BAAT: variants seen among roughly 807,000 people sequenced by gnomAD.
BAAT encodes the protein bile acid-CoA:amino acid N-acyltransferase.
Under a neutral mutation model 18.9 loss-of-function variants are expected in BAAT, and 13 were observed. The ratio of observed to expected loss-of-function variants is 0.69; its 90% CI spans 0.45 to 1.10. BAAT has a LOEUF of 1.10. BAAT is among the 50% of genes least tolerant of loss of function. The pLI, the probability that BAAT is intolerant of heterozygous loss-of-function variation, is 0.00. For missense variants in BAAT, 489 were observed against 504.0 expected (o/e 0.97, Z 0.28); for synonymous variants, 170 against 190.7 (o/e 0.89, Z 0.89).
At chr9:101,381,209 A>T (rs1485042394) in intron 1 of BAAT, among the ~76,000 whole-genome samples, 1 of 151,988 alleles carries the variant, frequency 6.6e-6, no homozygotes, top group East Asian at 1.9e-4. Context: ...GTTAAATACA[A>T]ACAGATCAAA....
intron 3 of BAAT, among the ~76,000 whole-genome samples, chr9:101,365,952 C>T (rs1424077086): frequency 6.6e-6 from 1 of 152,158 alleles, no homozygotes; most frequent in Non-Finnish European, 1.5e-5. Flanking sequence ...ATATCCATTA[C>T]CTCACAAACT....
At chr9:101,377,189 G>A (rs968559726) in intron 1 of BAAT, among the ~76,000 whole-genome samples, 1 of 152,140 alleles carries the variant, frequency 6.6e-6, no homozygotes, top group Non-Finnish European at 1.5e-5. Context: ...TTTACCTTTT[G>A]AGTCTTAATA....
At chr9:101,381,935 C>T (rs916119349) in intron 1 of BAAT, among the ~76,000 whole-genome samples, 1 of 152,196 alleles carries the variant, frequency 6.6e-6, no homozygotes, top group Non-Finnish European at 1.5e-5. Flanking sequence ...ATGGAATCTA[C>T]ATTTCCAACT....
rs1347449513 is a variant in BAAT at position 101,371,052 on chromosome 9, A to G, written c.353T>C (p.Val118Ala). The change falls in exon 2 of 4, where the codon GTT (valine) becomes GCT (alanine). Residue 118 changes from valine (V) to alanine (A), a missense_variant. Transcript: ENST00000259407. ...CAGGCTGGCCTTTGGAGCACTGGCA[A>G]CTTTATTGTTCACTATTAACTCTAA... ...YDLELIVNNK[V>A]ASAPKASLTL... 1.2e-6 allele frequency: 2 copies of G among 1,614,086 alleles called. No homozygotes were observed. The highest frequency in any genetic ancestry group is 1.7e-4 in the Middle Eastern group (1 of 6,058).
rs1454435251 is a variant in BAAT, at chr9:101,362,545, C to A, written c.1140G>T (p.Leu380Phe). 1 of 1,614,004 alleles carries A rather than the reference C, an allele frequency of 6.2e-7. No homozygotes were observed. Among genetic ancestry groups the A allele is most frequent in the Non-Finnish European group, 8.5e-7 (1 of 1,180,032 alleles). Residue 380 changes from leucine (L) to phenylalanine (F), a missense_variant, in exon 4 of 4, where the codon TTG becomes TTT. By Grantham distance (22) the Leu-to-Phe change is conservative (BLOSUM62 0). Coordinates refer to ENST00000259407, the MANE Select transcript of BAAT (RefSeq NM_001701.4). ...PLCCASTTHDLRLHWGGEVIP... is the reference protein window; with the variant it reads ...PLCCASTTHDFRLHWGGEVIP... The stretch of plus-strand genomic sequence containing the variant: ...TCACCTCTCCTCCCCAGTGTAACCT[C>A]AAATCGTGGGTCGTTGAGGCACAGC...
At chr9:101,383,077 G>A (rs955543109) in intron 1 of BAAT, among the ~76,000 whole-genome samples, 12 of 152,124 alleles carry the variant, frequency 7.9e-5, no homozygotes, top group African/African-American at 2.4e-4. Flanking sequence ...CAGAATAGGA[G>A]GGCTTATTCT....
intron 1 of BAAT, among the ~76,000 whole-genome samples, chr9:101,372,453 G>A (rs1829969581): frequency 6.6e-6 from 1 of 152,096 alleles, no homozygotes; most frequent in African/African-American, 2.4e-5. Context: ...GAAGCTGACA[G>A]GCCATTCAGG....
In BAAT at chr9:101,367,454, G is replaced by A. The variant is rs10989483; in HGVS notation, c.669+666C>T. ...TTGTCTAACATTTGTTCATCTTTGAGTGCTTAGTATTGCCAGGTTCTATGA... is the reference window on the plus strand; with the variant it reads ...TTGTCTAACATTTGTTCATCTTTGAATGCTTAGTATTGCCAGGTTCTATGA... On this transcript the variant is annotated intron_variant, in intron 3 of 3. Transcript: ENST00000259407. Among the ~76,000 whole-genome samples, 3 of 151,900 alleles carry A rather than the reference G, an allele frequency of 2.0e-5. No individual in the cohort carries two copies. The East Asian group carries it at 5.8e-4, about 29-fold the overall frequency.
chr9:101,379,803 C>T (rs1021176093), intron 1 of BAAT, among the ~76,000 whole-genome samples: 2 of 152,228 alleles, frequency 1.3e-5, no homozygotes, highest in African/African-American at 4.8e-5. Flanking sequence ...GGAATAGGTT[C>T]TTTTTTGTTG....
rs201129610 is a variant in BAAT, at chr9:101,362,911, A to T, written c.774T>A (p.Asn258Lys). The T allele has an allele frequency of 1.9e-6, 3 of 1,614,038 alleles. No individual in the cohort carries two copies. The highest frequency in any genetic ancestry group is 2.5e-6 in the Non-Finnish European group (3 of 1,179,984). The part of the protein sequence containing the change: ...LKQVTATVLI[N>K]GTNFPFGIPQ... The stretch of plus-strand genomic sequence containing the variant: ...GAATGCCAAAAGGAAAGTTGGTCCC[A>T]TTAATAAGTACCGTGGCTGTGACTT... The change falls in exon 4 of 4, where the codon AAT (asparagine) becomes AAA (lysine). Residue 258 changes from asparagine to lysine, a missense_variant. Coordinates refer to ENST00000259407, the MANE Select transcript of BAAT (RefSeq NM_001701.4).
chr9:101,377,986 G>A (rs1228683033), intron 1 of BAAT, among the ~76,000 whole-genome samples: 1 of 152,130 alleles, frequency 6.6e-6, no homozygotes, highest in African/African-American at 2.4e-5. Context: ...CAAAACGTGA[G>A]TGAACTCCCA....
At chr9:101,368,875 C>A (rs773693326) in intron 2 of BAAT, among the ~76,000 whole-genome samples, 4 of 152,146 alleles carry the variant, frequency 2.6e-5, no homozygotes, top group Non-Finnish European at 5.9e-5. Context: ...CAAAGAAATA[C>A]ATGATTCAAA....
rs1564056173 is a variant in BAAT, at chr9:101,370,968, CG to C, written c.436del (p.Arg146AlafsTer18). Reference sequence around the variant, plus strand: ...AGGGAGAAAGAGAGCTCCTCGAAGGCGGCCTTCTCGAACCTTAATTCGTGTG... The same window carrying C: ...AGGGAGAAAGAGAGCTCCTCGAAGGCGCCTTCTCGAACCTTAATTCGTGTG... ...GVTRIKVREG[R>X]LRGALFLPPG... On this transcript the variant is annotated frameshift_variant, in exon 2 of 4. Coordinates refer to ENST00000259407, the MANE Select transcript of BAAT (RefSeq NM_001701.4). LOFTEE classifies it high-confidence loss of function. 1 of 1,614,110 alleles carries C rather than the reference CG, an allele frequency of 6.2e-7. No individual in the cohort carries two copies. The highest frequency in any genetic ancestry group is 8.5e-7 in the Non-Finnish European group (1 of 1,180,018).
chr9:101,362,416 T>C lies in BAAT; in HGVS notation c.*12A>G. The C allele has an allele frequency of 1.9e-6, 3 of 1,611,098 alleles. No individual in the cohort carries two copies. The highest frequency in any genetic ancestry group is 2.5e-6 in the Non-Finnish European group (3 of 1,177,364). ...GATTTGCTTCTTTATTTTCTAGGAATATCTAGTCTTCTTAGAGTTGACTGG... is the reference window on the plus strand; with the variant it reads ...GATTTGCTTCTTTATTTTCTAGGAACATCTAGTCTTCTTAGAGTTGACTGG... On this transcript the variant is annotated 3_prime_UTR_variant, in exon 4 of 4. Coordinates refer to ENST00000259407, the MANE Select transcript of BAAT (RefSeq NM_001701.4).
intron 1 of BAAT, chr9:101,376,272 C>A: frequency 5.2e-6 from 1 of 192,656 alleles, no homozygotes; most frequent in South Asian, 9.8e-5. Context: ...ACGGATGATT[C>A]ATAGGATTAA....
chr9:101,376,352 C>T, intron 1 of BAAT: 1 of 206,934 alleles, frequency 4.8e-6, no homozygotes, highest in Non-Finnish European at 1.1e-5. Flanking sequence ...TGTCTCTTTC[C>T]AGGCATTACT....
At chr9:101,374,048 G>A (rs1829999904) in intron 1 of BAAT, among the ~76,000 whole-genome samples, 1 of 151,918 alleles carries the variant, frequency 6.6e-6, no homozygotes, top group Non-Finnish European at 1.5e-5. Flanking sequence ...ATAAAGTTTA[G>A]GACTTTACGC....
At chr9:101,381,897 A>G (rs1019113316) in intron 1 of BAAT, among the ~76,000 whole-genome samples, 2 of 152,214 alleles carry the variant, frequency 1.3e-5, no homozygotes, top group Non-Finnish European at 2.9e-5. Flanking sequence ...AGTACTTAAG[A>G]TCATACAGAA....
intron 1 of BAAT, among the ~76,000 whole-genome samples, chr9:101,372,443 G>A (rs1248486264): frequency 6.6e-6 from 1 of 152,122 alleles, no homozygotes; most frequent in Admixed American, 6.6e-5. Context: ...AGCAAAACTA[G>A]AAGCTGACAG....
Sources: allele counts gnomAD v4.1 joint callset (sites outside exome capture counted in the v4.1 genomes callset), GRCh38; gene constraint gnomAD v4.1.1; transcripts MANE v1.5; gene names NCBI Gene and HGNC (gene_info 2026-07-23, HGNC 2026-07-21).